SBF2: variants seen among roughly 807,000 people sequenced by gnomAD.
SBF2 encodes SET binding factor 2.
SBF2 carries 112 observed loss-of-function variants against 225.2 expected under a neutral mutation model. The observed-to-expected ratio is 0.50, with a 90% CI of 0.43 to 0.58. SBF2 has a LOEUF of 0.58. Among genes scored for constraint, SBF2 ranks in the 20% least tolerant of loss-of-function variants. The pLI, the probability that SBF2 is intolerant of heterozygous loss-of-function variation, is 0.00. For synonymous variants in SBF2, 763 were observed against 773.3 expected, an observed-to-expected ratio of 0.99 and a Z score of 0.22; for missense variants, 1,996 against 2,206.2, an observed-to-expected ratio of 0.90 and a Z score of 1.91.
chr11:10,170,363 G>C (rs1441766374), intron 2 of SBF2, among the ~76,000 whole-genome samples: 1 of 151,968 alleles, frequency 6.6e-6, no homozygotes, highest in East Asian at 1.9e-4. Flanking sequence ...AGTTTCTTCA[G>C]CACCATTTAC....
At chr11:9,894,070 ACT>A (rs1861047328) in intron 17 of SBF2, among the ~76,000 whole-genome samples, 1 of 146,182 alleles carries the variant, frequency 6.8e-6, no homozygotes, top group South Asian at 2.1e-4. Context: ...ACATGATGAA[ACT>A]CTGTCTCTAC....
chr11:9,908,832 G>T (rs1362182864), intron 16 of SBF2, among the ~76,000 whole-genome samples: 1 of 148,922 alleles, frequency 6.7e-6, no homozygotes, highest in Admixed American at 6.8e-5. Context: ...CTACAGGCAT[G>T]TGCCACTGCG....
chr11:10,212,416 A>C (rs1464015934), intron 1 of SBF2, among the ~76,000 whole-genome samples: 2 of 152,208 alleles, frequency 1.3e-5, no homozygotes, highest in African/African-American at 4.8e-5. Flanking sequence ...GCTTGTAAAT[A>C]ATAAAAGACC....
chr11:9,808,950 C>T lies in SBF2; in HGVS notation c.4208G>A (p.Gly1403Asp). 1 of 1,614,094 alleles carries T rather than the reference C, an allele frequency of 6.2e-7. No individual in the cohort carries two copies. The highest frequency in any genetic ancestry group is 8.5e-7 in the Non-Finnish European group (1 of 1,179,972). Residue 1403 changes from glycine to aspartate, a missense_variant, in exon 31 of 40, where the codon GGT becomes GAT. Transcript: ENST00000256190. ...AVVVSEVLEN[G>D]SSVLVCLEEG... ...CTCCAAACAGACCAAAACTGAGGAA[C>T]CATTCTCAAGTACTTCTGATACAAC...
chr11:9,932,972 A>C (rs572831626), intron 16 of SBF2, among the ~76,000 whole-genome samples: 29,909 of 146,698 alleles, frequency 0.2, 4,552 homozygotes, highest in Non-Finnish European at 0.29. Context: ...AAAAAAAAAA[A>C]AAAAAAAAAA....
At chr11:9,965,489 T>C (rs932726561) in intron 14 of SBF2, among the ~76,000 whole-genome samples, 1 of 152,164 alleles carries the variant, frequency 6.6e-6, no homozygotes, top group Non-Finnish European at 1.5e-5. Flanking sequence ...CGGTTCTCTA[T>C]GTTGCTCAGG....
chr11:9,823,502 G>GT (rs904417574), intron 28 of SBF2, among the ~76,000 whole-genome samples: 3 of 147,930 alleles, frequency 2.0e-5, no homozygotes, highest in Admixed American at 6.7e-5. Flanking sequence ...AGGGGTTAGG[G>GT]TAAAAAAAAA....
chr11:10,085,837 G>T (rs1288662342), intron 2 of SBF2, among the ~76,000 whole-genome samples: 1 of 151,676 alleles, frequency 6.6e-6, no homozygotes, highest in African/African-American at 2.4e-5. Flanking sequence ...TGACCCTCCT[G>T]TCCCCAGCCA....
At position 9,968,224 on chromosome 11, in the gene SBF2, T is replaced by C. The variant is rs569659186; in HGVS notation, c.1600+117A>G. ...TTTCTGAGTATTGATAATGCTCTGA[T>C]TCTAGCTACAGGAGTTTGTTCACTT... is the stretch of plus-strand genomic sequence containing the variant. On this transcript the variant is annotated intron_variant, in intron 14 of 39. Transcript: ENST00000256190. 1.4e-3 allele frequency: 1,242 copies of C among 898,350 alleles called. 4 individuals are homozygous for C. The highest frequency in any genetic ancestry group is 2.3e-3 in the Middle Eastern group (7 of 3,054). 55.6% of individuals were successfully genotyped at this position (898,350 alleles called of 1,614,324 possible).
chr11:10,231,933 C>A (rs1233958600), intron 1 of SBF2, among the ~76,000 whole-genome samples: 1 of 152,238 alleles, frequency 6.6e-6, no homozygotes, highest in Non-Finnish European at 1.5e-5. Flanking sequence ...AGGCAGGCGT[C>A]CTTGAGCTGT....
intron 2 of SBF2, among the ~76,000 whole-genome samples, chr11:10,099,642 A>G (rs527931124): frequency 6.6e-6 from 1 of 152,364 alleles, no homozygotes; most frequent in South Asian, 2.1e-4. Flanking sequence ...GACTATAGCC[A>G]TAATAATTTG....
At chr11:9,830,428 T>C (rs540363470) in intron 27 of SBF2, among the ~76,000 whole-genome samples, 3 of 152,162 alleles carry the variant, frequency 2.0e-5, no homozygotes, top group African/African-American at 4.8e-5. Context: ...AATTGTAAGA[T>C]GCATTGCAAT....
At chr11:10,253,207 T>C (rs999075955) in intron 1 of SBF2, among the ~76,000 whole-genome samples, 3 of 151,098 alleles carry the variant, frequency 2.0e-5, no homozygotes, top group Admixed American at 1.3e-4. Context: ...AATTAGAGCG[T>C]AGTGTTAAGG....
chr11:10,096,217 C>T (rs1220019169), intron 2 of SBF2, among the ~76,000 whole-genome samples: 14 of 152,024 alleles, frequency 9.2e-5, no homozygotes, highest in Admixed American at 9.2e-4. Flanking sequence ...TTCTACATGT[C>T]AGCTAGTTTA....
intron 1 of SBF2, among the ~76,000 whole-genome samples, chr11:10,256,324 C>T (rs1393596051): frequency 1.3e-5 from 2 of 152,172 alleles, no homozygotes; most frequent in Non-Finnish European, 2.9e-5. Flanking sequence ...TTCTACTGTC[C>T]TGCAGCTTCT....
At chr11:10,287,416 G>C (rs1402393249) in intron 1 of SBF2, among the ~76,000 whole-genome samples, 1 of 151,792 alleles carries the variant, frequency 6.6e-6, no homozygotes, top group Non-Finnish European at 1.5e-5. Flanking sequence ...GAAGTAGCTG[G>C]AACTACAGAC....
intron 2 of SBF2, among the ~76,000 whole-genome samples, chr11:10,144,335 A>C (rs1954791763): frequency 6.6e-6 from 1 of 152,010 alleles, no homozygotes; most frequent in Admixed American, 6.5e-5. Context: ...AAAAAAACAC[A>C]AAAATTAGCC....
chr11:9,983,568 C>G (rs1355145806), intron 13 of SBF2, among the ~76,000 whole-genome samples: 3 of 152,184 alleles, frequency 2.0e-5, no homozygotes, highest in Non-Finnish European at 4.4e-5. Flanking sequence ...TCCCTCTCCA[C>G]ACTACTACAC....
At chr11:10,141,421 C>G (rs1954638847) in intron 2 of SBF2, among the ~76,000 whole-genome samples, 1 of 152,264 alleles carries the variant, frequency 6.6e-6, no homozygotes, top group East Asian at 1.9e-4. Flanking sequence ...CAGAGGCCAT[C>G]TCCCCCTCTC....
Sources: gnomAD v4.1 joint callset for allele counts (sites outside exome capture counted in the v4.1 genomes callset) on GRCh38, gnomAD v4.1.1 for gene constraint, MANE v1.5 for transcripts, NCBI Gene and HGNC (gene_info 2026-07-23, HGNC 2026-07-21) for gene names.